MTSS1: variants seen among roughly 807,000 people sequenced by gnomAD.
MTSS1 encodes protein MTSS 1.
MTSS1 carries 18 observed loss-of-function variants against 79.0 expected under a neutral mutation model. The observed-to-expected ratio is 0.23, with a 90% CI of 0.16 to 0.34. The LOEUF (loss-of-function observed/expected upper bound fraction) is 0.34, where lower values mean the gene tolerates loss of function less well. Among genes scored for constraint, MTSS1 ranks in the 10% least tolerant of loss-of-function variants. The pLI is 1.00. For synonymous variants in MTSS1, 341 were observed against 368.6 expected (o/e 0.93, Z 0.86); for missense variants, 815 against 986.2 (o/e 0.83, Z 2.33).
chr8:124,720,827 G>C (rs905081438), intron 1 of MTSS1, among the ~76,000 whole-genome samples: 1 of 152,212 alleles, frequency 6.6e-6, no homozygotes, highest in Admixed American at 6.5e-5. Flanking sequence ...TCTAACATTT[G>C]AGTGGACGTT....
intron 3 of MTSS1, among the ~76,000 whole-genome samples, chr8:124,601,809 G>A (rs1002895009): frequency 2.0e-5 from 3 of 152,192 alleles, no homozygotes; most frequent in Non-Finnish European, 2.9e-5. Context: ...ACGCACACAC[G>A]AGCGTCAGAC....
At chr8:124,641,444 A>T (rs1453531693) in intron 3 of MTSS1, among the ~76,000 whole-genome samples, 1 of 152,238 alleles carries the variant, frequency 6.6e-6, no homozygotes, top group Non-Finnish European at 1.5e-5. Context: ...CCTTTGTTTG[A>T]AACGTACAGT....
intron 3 of MTSS1, among the ~76,000 whole-genome samples, chr8:124,616,558 G>A (rs1306153057): frequency 6.6e-6 from 1 of 152,122 alleles, no homozygotes; most frequent in Non-Finnish European, 1.5e-5. Flanking sequence ...TCTCACCAGA[G>A]AGTGAGACAC....
intron 3 of MTSS1, among the ~76,000 whole-genome samples, chr8:124,691,647 C>G (rs1398948089): frequency 6.6e-6 from 1 of 152,062 alleles, no homozygotes; most frequent in Non-Finnish European, 1.5e-5. Context: ...TCCCAAGTAG[C>G]TGGGACTACA....
In MTSS1 at chr8:124,691,990, A is replaced by C. The variant is rs146095015; in HGVS notation, c.208+7536T>G. 2.1e-3 allele frequency among the ~76,000 whole-genome samples: 321 copies of C among 152,190 alleles called. 3 individuals carry two copies. Among genetic ancestry groups the C allele is most frequent in the African/African-American group, 7.2e-3 (298 of 41,526 alleles). ...AAGAGTTTGGTAAGTAGTAATAAGA[A>C]GACAAATATTTCAGGTGATAGATAT... On this transcript the variant is annotated intron_variant, in intron 3 of 13. Transcript: ENST00000518547.
intron 6 of MTSS1, chr8:124,580,638 G>T: frequency 2.0e-6 from 3 of 1,486,864 alleles, no homozygotes; most frequent in African/African-American, 1.4e-5. Context: ...AGTCAAACTG[G>T]TATTCAAGCA....
intron 10 of MTSS1, chr8:124,558,637 C>G: frequency 6.9e-7 from 1 of 1,439,768 alleles, no homozygotes; most frequent in Non-Finnish European, 9.1e-7. Context: ...GTTGCCGCGG[C>G]TGTGAGGGCT....
chr8:124,602,204 T>TACACACAC (rs1430392276), intron 3 of MTSS1, among the ~76,000 whole-genome samples: 4 of 144,078 alleles, frequency 2.8e-5, no homozygotes, highest in African/African-American at 1.1e-4. Flanking sequence ...TATATATATA[T>TACACACAC]ATAATTTTTT....
At chr8:124,580,781 A>G (rs928102301) in intron 6 of MTSS1, 10 of 489,092 alleles carry the variant, frequency 2.0e-5, no homozygotes, top group Non-Finnish European at 3.7e-5. Context: ...TTCTCATCTA[A>G]ACAAAACCTT....
In MTSS1 at chr8:124,580,891, C is replaced by A. The variant is rs146590473; in HGVS notation, c.460+4196G>T. 5.3e-5 allele frequency among the ~76,000 whole-genome samples: 8 copies of A among 152,218 alleles called. No homozygotes were observed. In the East Asian group the frequency reaches 1.5e-3, roughly 29 times the overall value. ...AAGAAGCCAAGCTTTGGCAAGAAAA[C>A]CTTTCGAGTGTCATTTACCATCACT... On this transcript the variant is annotated intron_variant, in intron 6 of 13. Coordinates refer to ENST00000518547, the MANE Select transcript of MTSS1 (RefSeq NM_014751.6).
At chr8:124,618,701 G>A (rs1211320360) in intron 3 of MTSS1, among the ~76,000 whole-genome samples, 1 of 152,184 alleles carries the variant, frequency 6.6e-6, no homozygotes, top group African/African-American at 2.4e-5. Flanking sequence ...TCTGGTAGCT[G>A]GCAGCTCTCC....
chr8:124,706,221 C>T (rs2135507201), intron 1 of MTSS1, among the ~76,000 whole-genome samples: 1 of 152,308 alleles, frequency 6.6e-6, no homozygotes, highest in South Asian at 2.1e-4. Flanking sequence ...TAAGAGATAT[C>T]TGGAAAGTTG....
In MTSS1 at chr8:124,632,230, G is replaced by A. The variant is rs1333803131; in HGVS notation, c.209-40995C>T. ...GGAGTTCAAGGATTCAGTGAACTAT[G>A]ACCATAACCACTGCACTCTAGCCTA... On this transcript the variant is annotated intron_variant, in intron 3 of 13. Transcript: ENST00000518547. 2.9e-5 allele frequency among the ~76,000 whole-genome samples: 4 copies of A among 138,948 alleles called. No individual in the cohort carries two copies. The East Asian group carries it at 8.6e-4, about 30-fold the overall frequency. 91.2% of individuals were successfully genotyped at this position (138,948 alleles called of 152,430 possible). A position where few individuals can be genotyped will look rare whatever the true frequency, so the allele number is the denominator to read the frequency against.
intron 3 of MTSS1, among the ~76,000 whole-genome samples, chr8:124,644,759 A>C (rs769600626): frequency 2.6e-5 from 4 of 152,262 alleles, no homozygotes; most frequent in Non-Finnish European, 5.9e-5. Flanking sequence ...TATTGGCAGA[A>C]TGTTATGAAG....
rs189062061 is a variant in MTSS1, at chr8:124,705,553, G to A, written c.73-1362C>T. 5.3e-3 allele frequency among the ~76,000 whole-genome samples: 808 copies of A among 152,198 alleles called. 2 individuals carry two copies. The highest frequency in any genetic ancestry group is 8.4e-3 in the Non-Finnish European group (571 of 68,002). On this transcript the variant is annotated intron_variant, in intron 1 of 13. Coordinates refer to ENST00000518547, the MANE Select transcript of MTSS1 (RefSeq NM_014751.6). ...GGGGATTATTTTTGCAGAACAGAGC[G>A]TAAATGTTATGAACCCTGACAAGGT...
At chr8:124,643,999 A>C (rs1818557819) in intron 3 of MTSS1, among the ~76,000 whole-genome samples, 1 of 152,178 alleles carries the variant, frequency 6.6e-6, no homozygotes, top group Non-Finnish European at 1.5e-5. Flanking sequence ...GACAAAGCAC[A>C]CTAAAGAGAA....
At chr8:124,720,917 C>T (rs1400525412) in intron 1 of MTSS1, among the ~76,000 whole-genome samples, 1 of 152,162 alleles carries the variant, frequency 6.6e-6, no homozygotes, top group African/African-American at 2.4e-5. Context: ...GTTCATCAGA[C>T]CCATTTTGCG....
At chr8:124,709,105 G>GT (rs1830786725) in intron 1 of MTSS1, among the ~76,000 whole-genome samples, 2 of 152,104 alleles carry the variant, frequency 1.3e-5, no homozygotes, top group African/African-American at 4.8e-5. Flanking sequence ...GAGGAAGAAG[G>GT]TAACTAGAAA....
chr8:124,580,599 C>G, intron 6 of MTSS1: 1 of 1,534,700 alleles, frequency 6.5e-7, no homozygotes, highest in Non-Finnish European at 8.7e-7. Flanking sequence ...GTGCAGGATA[C>G]ACAATTGACA....
Sources: gnomAD v4.1 joint callset for allele counts (sites outside exome capture counted in the v4.1 genomes callset) on GRCh38, gnomAD v4.1.1 for gene constraint, MANE v1.5 for transcripts, NCBI Gene and HGNC (gene_info 2026-07-23, HGNC 2026-07-21) for gene names.